Variants in SMOX observed in about 807,000 individuals in gnomAD.
The protein encoded by SMOX is spermine oxidase, also known as flavin containing amine oxidase.
In SMOX, 22 loss-of-function variants were observed where a neutral mutation model predicts 51.0. The ratio of observed to expected loss-of-function variants is 0.43; its 90% CI spans 0.31 to 0.62. SMOX has a LOEUF of 0.62. Ranked by LOEUF, SMOX falls within the 20% of genes least tolerant of loss-of-function variation. The probability of loss-of-function intolerance (pLI) is 0.10; values close to 1 mark genes in which losing one functional copy is unlikely to be tolerated. For synonymous variants in SMOX, 282 were observed against 307.8 expected, an observed-to-expected ratio of 0.92 and a Z score of 0.88; for missense variants, 566 against 777.7, an observed-to-expected ratio of 0.73 and a Z score of 3.24.
chr20:4,186,156 A>G (rs1262109600), intron 6 of SMOX, among the ~76,000 whole-genome samples: 1 of 151,926 alleles, frequency 6.6e-6, no homozygotes, highest in African/African-American at 2.4e-5. Context: ...TTTAAAAAAA[A>G]ATTAGCCAGG....
rs781522050 is a variant in SMOX at position 4,165,049 on chromosome 20, G to GTTTTTTTTTT, written c.-26-9967_-26-9958dup. 3.8e-4 allele frequency among the ~76,000 whole-genome samples: 33 copies of GTTTTTTTTTT among 87,328 alleles called. 3 individuals are homozygous for GTTTTTTTTTT. The highest frequency in any genetic ancestry group is 4.1e-4 in the African/African-American group (10 of 24,332). The allele number at this position is 87,328 out of a possible 152,430, so 57.3% of individuals were successfully genotyped here. A position where few individuals can be genotyped will look rare whatever the true frequency, so the allele number is the denominator to read the frequency against. On this transcript the variant is annotated intron_variant, in intron 1 of 6. Coordinates refer to ENST00000305958, the MANE Select transcript of SMOX (RefSeq NM_175839.3). ...TGCATCACCATGCCTTAGCTAAGTT[G>GTTTTTTTTTT]TTTTTTTTTTTTTTTTTTTTTTTGA...
Position 4,182,163 on chromosome 20 carries a change from C to T in SMOX, c.684C>T (p.Ile228=). The part of the protein sequence containing the change: ...SLSAFGEWTE[I]PGAHHIIPSG... ...GCGCCTTCGGGGAGTGGACCGAGAT[C>T]CCCGGCGCTCACCACATCATCCCCT... The change falls in exon 5 of 7, where the codon ATC becomes ATT. Residue 228 remains isoleucine (I), a synonymous_variant. Transcript: ENST00000305958. The surrounding 1 kb of genome is among the most constrained non-coding windows in gnomAD (Gnocchi z 8.4). 1 of 1,613,190 alleles carries T rather than the reference C, an allele frequency of 6.2e-7. No homozygotes were observed. Among genetic ancestry groups the T allele is most frequent in the Non-Finnish European group, 8.5e-7 (1 of 1,179,878 alleles).
chr20:4,162,637 G>C (rs941362686), intron 1 of SMOX, among the ~76,000 whole-genome samples: 3 of 152,196 alleles, frequency 2.0e-5, no homozygotes, highest in African/African-American at 7.2e-5. Flanking sequence ...ATCTCCAGGG[G>C]CTGATGCAGG....
intron 3 of SMOX, among the ~76,000 whole-genome samples, chr20:4,179,190 C>G (rs1050525571): frequency 2.0e-5 from 3 of 152,194 alleles, no homozygotes; most frequent in Non-Finnish European, 4.4e-5. Flanking sequence ...ACAGACCTTT[C>G]TTTTCTGCTG....
intron 6 of SMOX, among the ~76,000 whole-genome samples, chr20:4,185,595 C>A (rs941118722): frequency 1.0e-5 from 1 of 97,484 alleles, no homozygotes; most frequent in African/African-American, 5.8e-5. Flanking sequence ...GGTGACAGAG[C>A]GAGACCCTGT....
At chr20:4,185,487 T>C (rs1232732091) in intron 6 of SMOX, among the ~76,000 whole-genome samples, 1 of 138,150 alleles carries the variant, frequency 7.2e-6, no homozygotes, top group Non-Finnish European at 1.6e-5. Context: ...TGCACACCTG[T>C]AGTTCTAGCT....
intron 1 of SMOX, among the ~76,000 whole-genome samples, chr20:4,164,608 T>C (rs1055237399): frequency 3.3e-5 from 5 of 152,312 alleles, no homozygotes; most frequent in Non-Finnish European, 7.4e-5. Flanking sequence ...TAAGGAAATA[T>C]GCTTTCATGA....
rs746843739 is a variant in SMOX, at chr20:4,177,545, G to A, written c.403G>A (p.Val135Met). Residue 135 changes from valine to methionine, a missense_variant, in exon 3 of 7, where the codon GTG (valine) becomes ATG (methionine). By Grantham distance (21) the Val-to-Met change is conservative. Around this residue, in one of 3 missense-constraint regions of SMOX, gnomAD observed 217 missense variants for 278.4 expected, o/e 0.78. Transcript: ENST00000305958. The surrounding 1 kb of genome is among the most constrained non-coding windows in gnomAD (Gnocchi z 4.3). ...CCACGGCCGCAGGATCCCCAAGGAC[G>A]TGGTTGAGGAATTCAGCGATTTATA... The part of the protein sequence containing the change: ...TNHGRRIPKD[V>M]VEEFSDLYNE... 20 of 1,594,870 alleles carry A rather than the reference G, an allele frequency of 1.3e-5. No homozygotes were observed. The South Asian group carries it at 1.7e-4, about 14-fold the overall frequency.
intron 2 of SMOX, among the ~76,000 whole-genome samples, chr20:4,176,532 A>AC (rs1354644523): frequency 6.6e-6 from 1 of 150,960 alleles, no homozygotes; most frequent in Non-Finnish European, 1.5e-5. Context: ...AAAACGAAAC[A>AC]CCCCCCAAAA....
intron 1 of SMOX, among the ~76,000 whole-genome samples, chr20:4,152,514 G>A (rs1038160551): frequency 1.3e-5 from 2 of 150,942 alleles, no homozygotes; most frequent in Admixed American, 1.3e-4. Flanking sequence ...CCCTGGACAG[G>A]GGGACAGGGG....
intron 3 of SMOX, among the ~76,000 whole-genome samples, chr20:4,180,110 G>T (rs1214697600): frequency 6.6e-6 from 1 of 152,246 alleles, no homozygotes; most frequent in African/African-American, 2.4e-5. Flanking sequence ...CAAATTGAAA[G>T]CCTGACCCTT....
chr20:4,175,090 A>T lies in SMOX; in HGVS notation c.35A>T (p.Asp12Val). 6.2e-7 allele frequency: 1 copy of T among 1,614,224 alleles called. No homozygotes were observed. Among genetic ancestry groups the T allele is most frequent in the Non-Finnish European group, 8.5e-7 (1 of 1,180,050 alleles). Residue 12 changes from aspartate (D) to valine (V), a missense_variant, in exon 2 of 7, where the codon GAT (aspartate) becomes GTT (valine). Around this residue, in one of 3 missense-constraint regions of SMOX, gnomAD observed 217 missense variants for 278.4 expected, o/e 0.78. Coordinates refer to ENST00000305958, the MANE Select transcript of SMOX (RefSeq NM_175839.3). Reference sequence around the variant, plus strand: ...TGTGAATCCAGTGGTGACAGTGCGGATGACCCTCTCAGTCGCGGCCTACGG... The same window carrying T: ...TGTGAATCCAGTGGTGACAGTGCGGTTGACCCTCTCAGTCGCGGCCTACGG... ...QSCESSGDSADDPLSRGLRRR... is the reference protein window; with the variant it reads ...QSCESSGDSAVDPLSRGLRRR...
In SMOX at chr20:4,182,575, G is replaced by A. The variant is rs747982196; in HGVS notation, c.1096G>A (p.Asp366Asn). ...CCACCGCCTGGGCATTGGCACCACC[G>A]ACAAGATCTTTCTGGAATTCGAGGA... ...AIHRLGIGTT[D>N]KIFLEFEEPF... Residue 366 changes from aspartate to asparagine, a missense_variant, in exon 5 of 7, where the codon GAC (aspartate) becomes AAC (asparagine). By Grantham distance (23) the Asp-to-Asn change is conservative (BLOSUM62 1). Coordinates refer to ENST00000305958, the MANE Select transcript of SMOX (RefSeq NM_175839.3). The surrounding 1 kb of genome is among the most constrained non-coding windows in gnomAD (Gnocchi z 8.4). 3.7e-6 allele frequency: 6 copies of A among 1,613,948 alleles called. No individual in the cohort carries two copies. Among genetic ancestry groups the A allele is most frequent in the East Asian group, 4.5e-5 (2 of 44,874 alleles).
chr20:4,149,461 A>G lies in SMOX; in HGVS notation c.-27+484A>G, dbSNP rs1985617001. Among the ~76,000 whole-genome samples, 1 of 151,978 alleles carries G rather than the reference A, an allele frequency of 6.6e-6. No individual in the cohort carries two copies. Among genetic ancestry groups the G allele is most frequent in the Admixed American group, 6.5e-5 (1 of 15,284 alleles). On this transcript the variant is annotated intron_variant, in intron 1 of 6. Coordinates refer to ENST00000305958, the MANE Select transcript of SMOX (RefSeq NM_175839.3). This position sits in a 1 kb window ranked among gnomAD's most constrained non-coding sequence, Gnocchi z 6.0. ...GCTCCCGGGTGATGGCCCGAACGCC[A>G]GGAGAGGCTGTGCTGACTTCCCCCT...
chr20:4,169,738 G>A lies in SMOX; in HGVS notation c.-26-5292G>A, dbSNP rs549258629. Among the ~76,000 whole-genome samples, 640 of 152,280 alleles carry A rather than the reference G, an allele frequency of 4.2e-3. 3 individuals are homozygous for A. The highest frequency in any genetic ancestry group is 6.0e-3 in the Non-Finnish European group (407 of 68,036). ...ATTTCAAGGGTGTCTGTTGCTTCAG[G>A]AAACAGTAACGGAGCAGGCCTTGCT... On this transcript the variant is annotated intron_variant, in intron 1 of 6. Transcript: ENST00000305958.
Position 4,183,667 on chromosome 20 carries a change from T to G in SMOX, c.1530+13T>G. On this transcript the variant is annotated intron_variant, in intron 6 of 6. Coordinates refer to ENST00000305958, the MANE Select transcript of SMOX (RefSeq NM_175839.3). This position sits in a 1 kb window ranked among gnomAD's most constrained non-coding sequence, Gnocchi z 4.3. Reference sequence around the variant, plus strand: ...CTCAAAGACAGCGGTAAGCGGGGCGTTTGGGGTGAGGAGGGGAGTTGTGGG... The same window carrying G: ...CTCAAAGACAGCGGTAAGCGGGGCGGTTGGGGTGAGGAGGGGAGTTGTGGG... 1 of 1,553,600 alleles carries G rather than the reference T, an allele frequency of 6.4e-7. No individual in the cohort carries two copies.
intron 1 of SMOX, among the ~76,000 whole-genome samples, chr20:4,163,991 G>A (rs1334686181): frequency 6.6e-6 from 1 of 152,174 alleles, no homozygotes; most frequent in Non-Finnish European, 1.5e-5. Flanking sequence ...GATCATTGAG[G>A]GGCATCTTAG....
At chr20:4,154,756 G>A (rs1381363603) in intron 1 of SMOX, among the ~76,000 whole-genome samples, 1 of 152,094 alleles carries the variant, frequency 6.6e-6, no homozygotes, top group Non-Finnish European at 1.5e-5. Flanking sequence ...GGAGTCTTGA[G>A]GGACGAGTGC....
Position 4,172,746 on chromosome 20 carries a change from T to G in SMOX, c.-26-2284T>G, listed in dbSNP as rs1978508343. Among the ~76,000 whole-genome samples, 2 of 136,364 alleles carry G rather than the reference T, an allele frequency of 1.5e-5. No homozygotes were observed. Among genetic ancestry groups the G allele is most frequent in the Admixed American group, 1.6e-4 (2 of 12,832 alleles). 89.5% of individuals were successfully genotyped at this position (136,364 alleles called of 152,430 possible). The stretch of plus-strand genomic sequence containing the variant: ...TTTTGGGAACCGATTCTGCACGGAG[T>G]TGGCGGGCCTGGGTCTCAGGGGGAC... On this transcript the variant is annotated intron_variant, in intron 1 of 6. Coordinates refer to ENST00000305958, the MANE Select transcript of SMOX (RefSeq NM_175839.3). This position sits in a 1 kb window ranked among gnomAD's most constrained non-coding sequence, Gnocchi z 7.7.
Sources: gnomAD v4.1 joint callset for allele counts (sites outside exome capture counted in the v4.1 genomes callset) on GRCh38, gnomAD v4.1.1 for gene constraint, gnomAD v4.1.1 regional missense constraint, Gnocchi (gnomAD v3.1) non-coding constraint, MANE v1.5 for transcripts, NCBI Gene and HGNC (gene_info 2026-07-23, HGNC 2026-07-21) for gene names.